Variants in RALYL observed in about 807,000 individuals in gnomAD.
RALYL encodes the protein RNA-binding Raly-like protein.
In RALYL, 29 loss-of-function variants were observed where a neutral mutation model predicts 35.1. The ratio of observed to expected loss-of-function variants is 0.83; its 90% CI spans 0.61 to 1.13. RALYL has a LOEUF of 1.13. Ranked by LOEUF, RALYL falls within the 50% of genes most tolerant of loss-of-function variation. The pLI is 0.00. For missense variants in RALYL, 359 were observed against 360.4 expected (o/e 1.00, Z 0.03); for synonymous variants, 120 against 127.6 (o/e 0.94, Z 0.40).
chr8:84,641,661 C>A lies in RALYL; in HGVS notation c.256+112084C>A, dbSNP rs563976250. On this transcript the variant is annotated intron_variant, in intron 2 of 8. Transcript: ENST00000521268. ...TTATTTAAAGTTATTTCCCTGTTAACCATTTTTAAAATCTGAACATTAGGT... is the reference window on the plus strand; with the variant it reads ...TTATTTAAAGTTATTTCCCTGTTAAACATTTTTAAAATCTGAACATTAGGT... 2.0e-3 allele frequency among the ~76,000 whole-genome samples: 311 copies of A among 151,760 alleles called. 1 individual carries two copies. The highest frequency in any genetic ancestry group is 7.0e-3 in the African/African-American group (290 of 41,472).
At chr8:84,695,947 A>G (rs1190552680) in intron 2 of RALYL, among the ~76,000 whole-genome samples, 1 of 151,800 alleles carries the variant, frequency 6.6e-6, no homozygotes, top group East Asian at 1.9e-4. Flanking sequence ...GCCTCAGAGA[A>G]GAGTGGACCA....
At chr8:84,276,974 G>T (rs757585080) in intron 1 of RALYL, among the ~76,000 whole-genome samples, 1 of 152,172 alleles carries the variant, frequency 6.6e-6, no homozygotes. Flanking sequence ...CCTAAGAAAA[G>T]CAATGCTGAT....
At chr8:84,362,446 C>G (rs1853242647) in intron 1 of RALYL, among the ~76,000 whole-genome samples, 1 of 152,022 alleles carries the variant, frequency 6.6e-6, no homozygotes, top group East Asian at 1.9e-4. Flanking sequence ...GGCTGCAGAC[C>G]CATATCAGTT....
chr8:84,551,436 T>C (rs1479511558), intron 2 of RALYL, among the ~76,000 whole-genome samples: 1 of 152,134 alleles, frequency 6.6e-6, no homozygotes, highest in Non-Finnish European at 1.5e-5. Context: ...TCCATATAGA[T>C]GTGCTAGATG....
At chr8:84,246,948 G>A (rs983750209) in intron 1 of RALYL, among the ~76,000 whole-genome samples, 2 of 152,186 alleles carry the variant, frequency 1.3e-5, no homozygotes, top group African/African-American at 4.8e-5. Context: ...AGACTTTGGA[G>A]TGAGATTGGC....
At chr8:84,495,222 G>A (rs890442809) in intron 1 of RALYL, among the ~76,000 whole-genome samples, 1 of 151,996 alleles carries the variant, frequency 6.6e-6, no homozygotes, top group Non-Finnish European at 1.5e-5. Context: ...CATCATCTTT[G>A]AAGAATAAAT....
chr8:84,266,767 G>T (rs944992398), intron 1 of RALYL, among the ~76,000 whole-genome samples: 2 of 151,594 alleles, frequency 1.3e-5, no homozygotes, highest in Non-Finnish European at 2.9e-5. Flanking sequence ...GAGACCATCC[G>T]GGCTAACACG....
At chr8:84,677,307 A>G (rs1834416379) in intron 2 of RALYL, among the ~76,000 whole-genome samples, 2 of 152,192 alleles carry the variant, frequency 1.3e-5, no homozygotes, top group Admixed American at 1.3e-4. Context: ...ATGTTTGTAA[A>G]ATGTATTTTG....
chr8:84,501,419 TTAA>T (rs2056644364), intron 1 of RALYL, among the ~76,000 whole-genome samples: 1 of 152,124 alleles, frequency 6.6e-6, no homozygotes, highest in African/African-American at 2.4e-5. Context: ...ACAATTAATT[TTAA>T]TAAATAGCCA....
At chr8:84,603,585 G>A (rs895716276) in intron 2 of RALYL, among the ~76,000 whole-genome samples, 1 of 152,086 alleles carries the variant, frequency 6.6e-6, no homozygotes, top group Admixed American at 6.6e-5. Flanking sequence ...CCTGCCCACT[G>A]TAGACAAGAG....
In RALYL at chr8:84,406,181, C is replaced by A. The variant is rs541067539; in HGVS notation, c.-23-123118C>A. Among the ~76,000 whole-genome samples the A allele has an allele frequency of 1.6e-3, 247 of 151,900 alleles. 1 individual carries two copies. Among genetic ancestry groups the A allele is most frequent in the Non-Finnish European group, 1.6e-3 (112 of 67,968 alleles). On this transcript the variant is annotated intron_variant, in intron 1 of 8. Coordinates refer to ENST00000521268, the MANE Select transcript of RALYL (RefSeq NM_173848.7). ...ATATGTATGCTTACATTTCCTAAGA[C>A]ATCTTCAGAGCATTACTTTTTTCAT...
chr8:84,684,708 A>G (rs1408144415), intron 2 of RALYL, among the ~76,000 whole-genome samples: 11 of 152,216 alleles, frequency 7.2e-5, no homozygotes, highest in Non-Finnish European at 1.5e-4. Context: ...TAAGATACCC[A>G]AACTTTTTTC....
chr8:84,615,730 T>G (rs2130949075), intron 2 of RALYL, among the ~76,000 whole-genome samples: 1 of 129,450 alleles, frequency 7.7e-6, no homozygotes, highest in Non-Finnish European at 1.6e-5. Flanking sequence ...TATCTCCCAA[T>G]GCTGTCCCTC....
intron 1 of RALYL, among the ~76,000 whole-genome samples, chr8:84,223,818 T>C (rs1387463273): frequency 6.6e-6 from 1 of 152,148 alleles, no homozygotes; most frequent in African/African-American, 2.4e-5. Flanking sequence ...AATGAATGTG[T>C]GAAGATCATT....
chr8:84,448,957 T>C (rs116802203), intron 1 of RALYL, among the ~76,000 whole-genome samples: 1 of 152,022 alleles, frequency 6.6e-6, no homozygotes, highest in Non-Finnish European at 1.5e-5. Context: ...AGGTAACTTT[T>C]ATCCTCAGGT....
At chr8:84,721,780 T>C (rs1468959869) in intron 2 of RALYL, among the ~76,000 whole-genome samples, 1 of 152,150 alleles carries the variant, frequency 6.6e-6, no homozygotes, top group Non-Finnish European at 1.5e-5. Context: ...CTTCATGTCA[T>C]ATAATAAATC....
intron 1 of RALYL, among the ~76,000 whole-genome samples, chr8:84,294,248 G>GA (rs906552050): frequency 2.6e-5 from 4 of 152,016 alleles, no homozygotes; most frequent in African/African-American, 7.2e-5. Context: ...TGCTGAAGTA[G>GA]AAAAAAATGA....
intron 1 of RALYL, among the ~76,000 whole-genome samples, chr8:84,426,998 G>A (rs1179129199): frequency 6.6e-6 from 1 of 152,132 alleles, no homozygotes; most frequent in African/African-American, 2.4e-5. Flanking sequence ...GCACTCCCAT[G>A]TCATGTTCAT....
intron 2 of RALYL, among the ~76,000 whole-genome samples, chr8:84,744,010 G>A (rs912322315): frequency 6.6e-6 from 1 of 151,856 alleles, no homozygotes; most frequent in African/African-American, 2.4e-5. Flanking sequence ...AATTGGAGAC[G>A]GATAGTAGCA....
Sources: allele counts gnomAD v4.1 joint callset (sites outside exome capture counted in the v4.1 genomes callset), GRCh38; gene constraint gnomAD v4.1.1; transcripts MANE v1.5; gene names NCBI Gene and HGNC (gene_info 2026-07-23, HGNC 2026-07-21).